TMEM132B: variants seen among roughly 807,000 people sequenced by gnomAD.
TMEM132B encodes the protein transmembrane protein 132B.
A neutral mutation model predicts 90.8 loss-of-function variants in TMEM132B; 18 were observed. The ratio of observed to expected loss-of-function variants is 0.20; its 90% CI spans 0.14 to 0.29. The LOEUF (loss-of-function observed/expected upper bound fraction) is 0.29, where lower values mean the gene tolerates loss of function less well. TMEM132B is among the 10% of genes least tolerant of loss of function. TMEM132B has a pLI of 1.00. For missense variants in TMEM132B, 1,096 were observed against 1,326.8 expected (o/e 0.83, Z 2.70); for synonymous variants, 504 against 523.3 (o/e 0.96, Z 0.50).
intron 1 of TMEM132B, among the ~76,000 whole-genome samples, chr12:125,304,303 G>A (rs759381919): frequency 6.6e-6 from 1 of 152,180 alleles, no homozygotes; most frequent in Non-Finnish European, 1.5e-5. Context: ...TCACGGACTG[G>A]TACTGGTCCA....
intron 1 of TMEM132B, among the ~76,000 whole-genome samples, chr12:125,190,249 C>T (rs1173538747): frequency 1.3e-5 from 2 of 152,204 alleles, no homozygotes; most frequent in African/African-American, 2.4e-5. Context: ...TTCTACCATA[C>T]AGTCCTTTAG....
At chr12:125,542,854 G>T (rs1883990903) in intron 4 of TMEM132B, among the ~76,000 whole-genome samples, 1 of 152,178 alleles carries the variant, frequency 6.6e-6, no homozygotes, top group Non-Finnish European at 1.5e-5. Context: ...ATATTGGAGA[G>T]CAGGCTTTTA....
At chr12:125,384,174 T>C (rs1483509442) in intron 2 of TMEM132B, among the ~76,000 whole-genome samples, 2 of 152,180 alleles carry the variant, frequency 1.3e-5, no homozygotes, top group African/African-American at 4.8e-5. Flanking sequence ...CTCAAACTCC[T>C]GACCTCAGGG....
At chr12:125,379,488 C>T (rs544505413) in intron 2 of TMEM132B, among the ~76,000 whole-genome samples, 2 of 152,160 alleles carry the variant, frequency 1.3e-5, no homozygotes, top group African/African-American at 2.4e-5. Flanking sequence ...AAACAGAAAA[C>T]CCCCCAAAAT....
intron 1 of TMEM132B, among the ~76,000 whole-genome samples, chr12:125,190,089 C>T (rs754264073): frequency 6.6e-5 from 10 of 152,186 alleles, no homozygotes; most frequent in Non-Finnish European, 1.5e-4. Context: ...GCCCCTCCTT[C>T]AGCAGCCCCC....
At chr12:125,530,957 A>C (rs1317379072) in intron 4 of TMEM132B, among the ~76,000 whole-genome samples, 1 of 152,186 alleles carries the variant, frequency 6.6e-6, no homozygotes, top group South Asian at 2.1e-4. Flanking sequence ...CATGAGTGCC[A>C]TTAACCACTT....
chr12:125,378,173 G>A (rs1878550659), intron 2 of TMEM132B, among the ~76,000 whole-genome samples: 1 of 152,162 alleles, frequency 6.6e-6, no homozygotes, highest in Non-Finnish European at 1.5e-5. Flanking sequence ...AAGTAGGTGA[G>A]ACCTGTACAT....
At chr12:125,269,355 G>A (rs959471859) in intron 1 of TMEM132B, among the ~76,000 whole-genome samples, 1 of 152,228 alleles carries the variant, frequency 6.6e-6, no homozygotes, top group Non-Finnish European at 1.5e-5. Context: ...GGTGACAAAT[G>A]CAGGCCCTTT....
chr12:125,332,401 TTTTAC>T (rs1045553329), intron 1 of TMEM132B, among the ~76,000 whole-genome samples: 46 of 151,984 alleles, frequency 3.0e-4, no homozygotes, highest in African/African-American at 9.9e-4. Context: ...ACAATACATA[TTTTAC>T]TTTCTTTTAT....
chr12:125,479,972 C>T (rs561447210), intron 3 of TMEM132B, among the ~76,000 whole-genome samples: 1 of 152,310 alleles, frequency 6.6e-6, no homozygotes, highest in Non-Finnish European at 1.5e-5. Context: ...AACCGCACAA[C>T]TACATGGAAA....
intron 2 of TMEM132B, among the ~76,000 whole-genome samples, chr12:125,352,365 C>T (rs1008901246): frequency 2.0e-5 from 3 of 152,236 alleles, no homozygotes; most frequent in African/African-American, 7.2e-5. Flanking sequence ...GTTTTAGGAT[C>T]GCTAAAAGTA....
At chr12:125,571,882 A>T (rs565243157) in intron 4 of TMEM132B, among the ~76,000 whole-genome samples, 1 of 152,356 alleles carries the variant, frequency 6.6e-6, no homozygotes, top group African/African-American at 2.4e-5. Context: ...TTCCCAGACC[A>T]TATTCAAATT....
intron 1 of TMEM132B, among the ~76,000 whole-genome samples, chr12:125,286,040 C>G (rs544146905): frequency 2.0e-5 from 3 of 152,318 alleles, no homozygotes; most frequent in Non-Finnish European, 4.4e-5. Flanking sequence ...CCCATTAACT[C>G]GAAATGAATC....
chr12:125,307,134 CCTT>C (rs1472787650), intron 1 of TMEM132B, among the ~76,000 whole-genome samples: 2 of 152,238 alleles, frequency 1.3e-5, no homozygotes, highest in Admixed American at 1.3e-4. Flanking sequence ...TGTTGCTTAT[CCTT>C]CTTCATTTTT....
intron 3 of TMEM132B, among the ~76,000 whole-genome samples, chr12:125,431,256 G>T (rs909885144): frequency 6.6e-6 from 1 of 152,078 alleles, no homozygotes; most frequent in Non-Finnish European, 1.5e-5. Flanking sequence ...TCATCCAGGG[G>T]CTGTAATTGA....
At chr12:125,353,074 A>G (rs1593100276) in intron 2 of TMEM132B, among the ~76,000 whole-genome samples, 1 of 152,354 alleles carries the variant, frequency 6.6e-6, no homozygotes, top group South Asian at 2.1e-4. Context: ...GCAGTGTCAT[A>G]TGCTTGCTGT....
At chr12:125,645,493 A>T (rs1886742667) in intron 6 of TMEM132B, among the ~76,000 whole-genome samples, 1 of 152,184 alleles carries the variant, frequency 6.6e-6, no homozygotes, top group African/African-American at 2.4e-5. Context: ...TTGAAGGTGG[A>T]TTGAGCCACT....
intron 1 of TMEM132B, among the ~76,000 whole-genome samples, chr12:125,314,456 A>G (rs1876207431): frequency 6.6e-6 from 1 of 152,140 alleles, no homozygotes; most frequent in Non-Finnish European, 1.5e-5. Flanking sequence ...GGAACAGGGG[A>G]AAAGTGTTCC....
chr12:125,569,799 G>A (rs1418862892), intron 4 of TMEM132B, among the ~76,000 whole-genome samples: 4 of 152,090 alleles, frequency 2.6e-5, no homozygotes, highest in Non-Finnish European at 5.9e-5. Flanking sequence ...GGCAGAAAAT[G>A]GCCAACAACT....
Sources: allele counts gnomAD v4.1 joint callset (sites outside exome capture counted in the v4.1 genomes callset), GRCh38; gene constraint gnomAD v4.1.1; transcripts MANE v1.5; gene names NCBI Gene and HGNC (gene_info 2026-07-23, HGNC 2026-07-21).